Variants in ATP5F1A observed in about 807,000 individuals in gnomAD.
ATP5F1A encodes ATP synthase F1 subunit alpha.
ATP5F1A carries 24 observed loss-of-function variants against 57.4 expected under a neutral mutation model. That is an observed-to-expected ratio of 0.42 (90% CI 0.30 to 0.59). The LOEUF is 0.59. Among genes scored for constraint, ATP5F1A ranks in the 20% least tolerant of loss-of-function variants. ATP5F1A has a pLI of 0.19. For synonymous variants in ATP5F1A, 251 were observed against 255.5 expected, an observed-to-expected ratio of 0.98 and a Z score of 0.17; for missense variants, 494 against 707.9, an observed-to-expected ratio of 0.70 and a Z score of 3.43.
chr18:46,098,236 G>C lies in ATP5F1A; in HGVS notation c.-5C>G, dbSNP rs1449937729. The stretch of plus-strand genomic sequence containing the variant: ...AGCAACGCGCACGGACAGCATCTTT[G>C]CAGTTACTCCGCAGGCGGTACTTCT... On this transcript the variant is annotated 5_prime_UTR_variant, in exon 1 of 12. Coordinates refer to ENST00000398752, the MANE Select transcript of ATP5F1A (RefSeq NM_004046.6). 2 of 1,605,218 alleles carry C rather than the reference G, an allele frequency of 1.2e-6. No homozygotes were observed. Among genetic ancestry groups the C allele is most frequent in the Non-Finnish European group, 1.7e-6 (2 of 1,178,636 alleles).
chr18:46,086,953 G>A (rs2144177782), intron 8 of ATP5F1A, 55 bp downstream of exon 8: 1 of 1,562,582 alleles, frequency 6.4e-7, no homozygotes, highest in Non-Finnish European at 8.8e-7. Flanking sequence ...CTCAACCAAT[G>A]CCTTAGAATT....
intron 10 of ATP5F1A, 127 bp downstream of exon 10, chr18:46,085,986 G>T: frequency 5.9e-6 from 6 of 1,018,464 alleles, no homozygotes; most frequent in Non-Finnish European, 8.3e-6. Flanking sequence ...AAGTAAAAGT[G>T]CCTTTGATGA....
rs1428049401 is a variant in ATP5F1A, at chr18:46,082,366, G to A, written c.*1916C>T. 1 of 145,582 alleles carries A rather than the reference G, an allele frequency of 6.9e-6. No individual in the cohort carries two copies. The highest frequency in any genetic ancestry group is 1.5e-5 in the Non-Finnish European group (1 of 66,842). The allele number at this position is 145,582 out of a possible 1,614,324, so 9.0% of individuals were successfully genotyped here. Reference sequence around the variant, plus strand: ...CATCGCACCACTGCACTCCAGCCTGGGAGACAGTGAGACTCCGTCTCAAAA... The same window carrying A: ...CATCGCACCACTGCACTCCAGCCTGAGAGACAGTGAGACTCCGTCTCAAAA... On this transcript the variant is annotated 3_prime_UTR_variant, in exon 12 of 12. Transcript: ENST00000398752.
rs570286122 is a variant in ATP5F1A, at chr18:46,096,648, A to G, written c.61-1517T>C. Among the ~76,000 whole-genome samples, 3 of 150,798 alleles carry G rather than the reference A, an allele frequency of 2.0e-5. No homozygotes were observed. In the South Asian group the frequency reaches 6.4e-4, roughly 32 times the overall value. On this transcript the variant is annotated intron_variant, in intron 1 of 11. Transcript: ENST00000398752. Reference sequence around the variant, plus strand: ...CAGCTTCCTACAAGGGGCAAAACTCAAAGTAGTTCCAATTTTACTTAAAAA... The same window carrying G: ...CAGCTTCCTACAAGGGGCAAAACTCGAAGTAGTTCCAATTTTACTTAAAAA...
In ATP5F1A at chr18:46,091,890, G is replaced by GGCCAGCACAGT; in HGVS notation, c.140-40_140-39insACTGTGCTGGC. On this transcript the variant is annotated intron_variant, in intron 2 of 11. Transcript: ENST00000398752. ...TTCAATTCAATTAAAAAAATAATCT[G>GGCCAGCACAGT]GGCCAGGCACAGTGGCTCACAGCTG... The GGCCAGCACAGT allele has an allele frequency of 1.9e-6, 3 of 1,585,358 alleles. No individual in the cohort carries two copies. In the South Asian group the frequency reaches 3.5e-5, roughly 18 times the overall value.
chr18:46,090,016 G>A lies in ATP5F1A; in HGVS notation c.310-20C>T, dbSNP rs948202208. 5 of 1,372,880 alleles carry A rather than the reference G, an allele frequency of 3.6e-6. No individual in the cohort carries two copies. The highest frequency in any genetic ancestry group is 4.7e-5 in the East Asian group (1 of 21,412). 85.0% of individuals were successfully genotyped at this position (1,372,880 alleles called of 1,614,324 possible). On this transcript the variant is annotated intron_variant, in intron 3 of 11. Coordinates refer to ENST00000398752, the MANE Select transcript of ATP5F1A (RefSeq NM_004046.6). ...CATACCCTGCACAAAAGACACAATT[G>A]AACATCAATGAAGCTGAATGGGCAC...
At chr18:46,097,285 AC>A (rs1261098981) in intron 1 of ATP5F1A, among the ~76,000 whole-genome samples, 2 of 152,004 alleles carry the variant, frequency 1.3e-5, no homozygotes, top group Non-Finnish European at 2.9e-5. Flanking sequence ...TGTTTATTTC[AC>A]CTTTCAAATT....
At chr18:46,084,993 G>T in intron 10 of ATP5F1A, 1 of 187,222 alleles carries the variant, frequency 5.3e-6, no homozygotes, top group Non-Finnish European at 1.1e-5. Flanking sequence ...TTTTAAATCT[G>T]CCAAATTACA....
chr18:46,085,999 G>T, intron 10 of ATP5F1A, 114 bp downstream of exon 10: 2 of 1,147,414 alleles, frequency 1.7e-6, no homozygotes, highest in Non-Finnish European at 2.4e-6. Flanking sequence ...TTTGATGAAA[G>T]ATAACAGATA....
rs549825609 is a variant in ATP5F1A, at chr18:46,088,323, A to G, written c.651-66T>C. On this transcript the variant is annotated intron_variant, in intron 5 of 11. Coordinates refer to ENST00000398752, the MANE Select transcript of ATP5F1A (RefSeq NM_004046.6). Reference sequence around the variant, plus strand: ...AAAGGACTTCCCTGTGGGGGAAAGAAAGAGAGATCAGACTGTTACTGTGTC... The same window carrying G: ...AAAGGACTTCCCTGTGGGGGAAAGAGAGAGAGATCAGACTGTTACTGTGTC... The G allele has an allele frequency of 2.9e-6, 4 of 1,390,710 alleles. No individual in the cohort carries two copies. In the African/African-American group the frequency reaches 4.4e-5, roughly 15 times the overall value. The allele number at this position is 1,390,710 out of a possible 1,614,324, so 86.1% of individuals were successfully genotyped here. A position where few individuals can be genotyped will look rare whatever the true frequency, so the allele number is the denominator to read the frequency against.
chr18:46,084,511 T>G lies in ATP5F1A; in HGVS notation c.1573A>C (p.Thr525Pro). ...VVSQHQALLG[T>P]IRADGKISEQ... ...CAACAATTGCATTCATACCTGATAG[T>G]GCCCAACAAGGCTTGGTGCTGGCTG... Residue 525 changes from threonine to proline, a missense_variant, in exon 11 of 12, where the codon ACT becomes CCT. Thr to Pro is a conservative substitution (Grantham distance 38). Coordinates refer to ENST00000398752, the MANE Select transcript of ATP5F1A (RefSeq NM_004046.6). The G allele has an allele frequency of 6.3e-7, 1 of 1,595,328 alleles. No individual in the cohort carries two copies.
rs1192482535 is a variant in ATP5F1A, at chr18:46,082,842, A to G, written c.*1440T>C. The stretch of plus-strand genomic sequence containing the variant: ...GAGGCGGGCAGACCACGAGGTCAGG[A>G]GCTCAAGAGCAGCATGGCCAACATG... On this transcript the variant is annotated 3_prime_UTR_variant, in exon 12 of 12. Coordinates refer to ENST00000398752, the MANE Select transcript of ATP5F1A (RefSeq NM_004046.6). 2.0e-5 allele frequency: 3 copies of G among 150,902 alleles called. No homozygotes were observed. The highest frequency in any genetic ancestry group is 2.0e-4 in the Admixed American group (3 of 15,152). The allele number at this position is 150,902 out of a possible 1,614,324, so 9.3% of individuals were successfully genotyped here.
At chr18:46,101,896 C>T (rs187603585), upstream of ATP5F1A, among the ~76,000 whole-genome samples, 3 of 150,556 alleles carry the variant, frequency 2.0e-5, no homozygotes, top group Non-Finnish European at 3.0e-5. Flanking sequence ...AAAAAAAGGC[C>T]GGGCATGGTG....
Position 46,090,001 on chromosome 18 carries a change from A to G in ATP5F1A, c.310-5T>C, listed in dbSNP as rs748085869. 1 of 1,580,308 alleles carries G rather than the reference A, an allele frequency of 6.3e-7. No homozygotes were observed. The highest frequency in any genetic ancestry group is 1.4e-5 in the African/African-American group (1 of 73,738). On this transcript the variant is annotated splice_polypyrimidine_tract_variant and splice_region_variant and intron_variant, in intron 3 of 11. Coordinates refer to ENST00000398752, the MANE Select transcript of ATP5F1A (RefSeq NM_004046.6). Reference sequence around the variant, plus strand: ...TTCCAAGTTCAAGGACATACCCTGCACAAAAGACACAATTGAACATCAATG... The same window carrying G: ...TTCCAAGTTCAAGGACATACCCTGCGCAAAAGACACAATTGAACATCAATG...
In ATP5F1A at chr18:46,090,334, C is replaced by T. The variant is rs111796463; in HGVS notation, c.310-338G>A. Among the ~76,000 whole-genome samples, 877 of 152,094 alleles carry T rather than the reference C, an allele frequency of 5.8e-3. 17 individuals are homozygous for T. The highest frequency in any genetic ancestry group is 0.033 in the Admixed American group (501 of 15,268). On this transcript the variant is annotated intron_variant, in intron 3 of 11. Coordinates refer to ENST00000398752, the MANE Select transcript of ATP5F1A (RefSeq NM_004046.6). ...GGCAATGATTCTTGGGCTGGGTGAT[C>T]AGTATGAAATAAAGTGATGAAGGCC... is the stretch of plus-strand genomic sequence containing the variant.
chr18:46,102,510 G>A (rs958012618), upstream of ATP5F1A, among the ~76,000 whole-genome samples: 1 of 152,042 alleles, frequency 6.6e-6, no homozygotes, highest in Admixed American at 6.6e-5. Flanking sequence ...TTTTAGTAGA[G>A]ATGGGGTTTT....
chr18:46,084,407 A>T, intron 11 of ATP5F1A, 44 bp from the exon 12 acceptor site: 1 of 1,594,800 alleles, frequency 6.3e-7, no homozygotes, highest in Non-Finnish European at 8.5e-7. Context: ...ACCTGGAAAA[A>T]GTTTTAATGA....
chr18:46,102,614 G>A (rs8085773), upstream of ATP5F1A, among the ~76,000 whole-genome samples: 25,702 of 152,010 alleles, frequency 0.17, 3,219 homozygotes, highest in East Asian at 0.39. Flanking sequence ...GTGAGGCACC[G>A]CATCCAGCCA....
chr18:46,096,783 A>G (rs1333367386), intron 1 of ATP5F1A, among the ~76,000 whole-genome samples: 1 of 151,200 alleles, frequency 6.6e-6, no homozygotes, highest in African/African-American at 2.4e-5. Flanking sequence ...GGAGTTCAAG[A>G]CCAGCCTAGC....
Sources: allele counts gnomAD v4.1 joint callset (sites outside exome capture counted in the v4.1 genomes callset), GRCh38; gene constraint gnomAD v4.1.1; transcripts MANE v1.5; gene names NCBI Gene and HGNC (gene_info 2026-07-23, HGNC 2026-07-21).